Variants in TNRC6A observed in about 807,000 individuals in gnomAD.
TNRC6A encodes trinucleotide repeat containing adaptor 6A.
In TNRC6A, 44 loss-of-function variants were observed where a neutral mutation model predicts 221.2. That is an observed-to-expected ratio of 0.20 (90% confidence interval 0.16 to 0.26). The LOEUF is 0.26. TNRC6A is among the 10% of genes least tolerant of loss of function. TNRC6A has a pLI of 1.00. For synonymous variants in TNRC6A, 847 were observed against 838.5 expected (o/e 1.01, Z -0.18); for missense variants, 2,199 against 2,404.4 (o/e 0.91, Z 1.79).
intron 2 of TNRC6A, among the ~76,000 whole-genome samples, chr16:24,669,270 G>T (rs2055240023): frequency 6.6e-6 from 1 of 152,052 alleles, no homozygotes; most frequent in Admixed American, 6.6e-5. Flanking sequence ...AGACTGAGTT[G>T]GGTGGACTGC....
chr16:24,627,944 G>T (rs1373128229), intron 1 of TNRC6A, among the ~76,000 whole-genome samples: 2 of 150,852 alleles, frequency 1.3e-5, no homozygotes, highest in African/African-American at 2.4e-5. Context: ...TGATCTGCCC[G>T]CCTCGGCCTC....
chr16:24,693,806 G>A (rs373954149), intron 2 of TNRC6A, among the ~76,000 whole-genome samples: 209 of 151,630 alleles, frequency 1.4e-3, no homozygotes, highest in African/African-American at 4.9e-3. Flanking sequence ...GGGCTGAGAT[G>A]GGAAGATCAG....
chr16:24,790,147 C>G lies in TNRC6A; in HGVS notation c.1505C>G (p.Thr502Ser), dbSNP rs72770408. The G allele has an allele frequency of 0.012, 18,656 of 1,614,188 alleles. 190 individuals are homozygous for G. Among genetic ancestry groups the G allele is most frequent in the South Asian group, 0.033 (2,968 of 91,076 alleles). ...CAGGCTCCATCAGGTATGAATGGCA[C>G]TTCCCTTTCTCACCTTAGCAATGGA... ...QMQAPSGMNG[T>S]SLSHLSNGES... Residue 502 changes from threonine (T) to serine (S), a missense_variant, in exon 6 of 25, where the codon ACT becomes AGT. By Grantham distance (58) the Thr-to-Ser change is moderately conservative. Coordinates refer to ENST00000395799, the MANE Select transcript of TNRC6A (RefSeq NM_014494.4).
chr16:24,664,897 G>C (rs2055123974), intron 2 of TNRC6A: 1 of 455,640 alleles, frequency 2.2e-6, no homozygotes, highest in Non-Finnish European at 4.4e-6. Flanking sequence ...TGAGGCCAGG[G>C]TGGTGGAGAA....
intron 11 of TNRC6A, chr16:24,798,194 G>A (rs1005339653): frequency 5.6e-6 from 2 of 355,372 alleles, no homozygotes; most frequent in Admixed American, 4.6e-5. Flanking sequence ...CCTGCCAAGA[G>A]GGAGTTACTC....
chr16:24,773,966 A>C (rs2057667419), intron 4 of TNRC6A, among the ~76,000 whole-genome samples: 1 of 152,056 alleles, frequency 6.6e-6, no homozygotes, highest in Non-Finnish European at 1.5e-5. Context: ...TTAACAAGTG[A>C]ACTTAACCCA....
intron 2 of TNRC6A, among the ~76,000 whole-genome samples, chr16:24,670,127 T>G (rs1487880842): frequency 2.0e-5 from 3 of 151,562 alleles, no homozygotes; most frequent in African/African-American, 7.3e-5. Flanking sequence ...TTTTTGTATT[T>G]TAAGAAGGGA....
chr16:24,736,763 T>C (rs1567405625), intron 2 of TNRC6A, among the ~76,000 whole-genome samples: 1 of 152,244 alleles, frequency 6.6e-6, no homozygotes, highest in Non-Finnish European at 1.5e-5. Context: ...TACACTGACT[T>C]GGTGTTTCTT....
At chr16:24,758,188 A>G in intron 3 of TNRC6A, 151 bp from the exon 4 acceptor site, 1 of 711,456 alleles carries the variant, frequency 1.4e-6, no homozygotes, top group Non-Finnish European at 2.3e-6. Context: ...TTCCTTGCAT[A>G]TCTTTTCCTG....
intron 2 of TNRC6A, among the ~76,000 whole-genome samples, chr16:24,694,058 G>A (rs888681219): frequency 1.3e-5 from 2 of 152,176 alleles, no homozygotes; most frequent in Admixed American, 1.3e-4. Context: ...GTATCTCAAA[G>A]GGAGGAAGGG....
intron 18 of TNRC6A, among the ~76,000 whole-genome samples, chr16:24,811,257 T>A (rs1442433160): frequency 6.6e-6 from 1 of 152,114 alleles, no homozygotes; most frequent in Non-Finnish European, 1.5e-5. Flanking sequence ...TCTGATTTGT[T>A]AAGGGGAGTG....
intron 2 of TNRC6A, among the ~76,000 whole-genome samples, chr16:24,670,562 C>T (rs2055275096): frequency 6.6e-6 from 1 of 152,130 alleles, no homozygotes; most frequent in Non-Finnish European, 1.5e-5. Context: ...TCTCTTCAAT[C>T]TGTATTCTTT....
intron 1 of TNRC6A, among the ~76,000 whole-genome samples, chr16:24,618,357 C>A (rs1900485255): frequency 6.6e-6 from 1 of 152,168 alleles, no homozygotes; most frequent in South Asian, 2.1e-4. Flanking sequence ...CTAAACAGTA[C>A]CCTACTCCTG....
Position 24,823,535 on chromosome 16 carries a change from C to T in TNRC6A, c.5617C>T (p.Gln1873Ter). ...GTCTCTGACCCCTTCTCCCGGCTGG[C>T]AGTCTCTCGGGTCCAGCCAGAGCCG... ...SQSLTPSPGW[Q>*]SLGSSQSRLG... Residue 1873 changes from glutamine to a stop codon, truncating the protein, a stop_gained, in exon 25 of 25, where the codon CAG (glutamine) becomes TAG (stop). Transcript: ENST00000395799. LOFTEE classifies it high-confidence loss of function. The surrounding 1 kb of genome is among the most constrained non-coding windows in gnomAD (Gnocchi z 4.3). 6.2e-7 allele frequency: 1 copy of T among 1,614,196 alleles called. No individual in the cohort carries two copies. The highest frequency in any genetic ancestry group is 8.5e-7 in the Non-Finnish European group (1 of 1,180,040).
intron 2 of TNRC6A, among the ~76,000 whole-genome samples, chr16:24,746,418 A>C (rs2057011911): frequency 6.6e-6 from 1 of 152,136 alleles, no homozygotes; most frequent in African/African-American, 2.4e-5. Context: ...TCTCTAAATA[A>C]ATAAATAAGA....
intron 2 of TNRC6A, among the ~76,000 whole-genome samples, chr16:24,654,953 A>G (rs1390513530): frequency 3.3e-5 from 5 of 152,212 alleles, no homozygotes; most frequent in Admixed American, 2.0e-4. Context: ...TCTATGAGGT[A>G]AAGAAAAGGC....
intron 2 of TNRC6A, among the ~76,000 whole-genome samples, chr16:24,720,269 G>C (rs1398376691): frequency 6.6e-6 from 1 of 152,168 alleles, no homozygotes; most frequent in African/African-American, 2.4e-5. Context: ...AGGCATGGCA[G>C]CTCACACCTG....
At chr16:24,779,843 T>G (rs1431731662) in intron 5 of TNRC6A, among the ~76,000 whole-genome samples, 1 of 152,172 alleles carries the variant, frequency 6.6e-6, no homozygotes, top group Non-Finnish European at 1.5e-5. Flanking sequence ...CTATTCGTAT[T>G]TGGCTTTTTT....
intron 1 of TNRC6A, among the ~76,000 whole-genome samples, chr16:24,626,208 T>G (rs1900981087): frequency 6.6e-6 from 1 of 152,084 alleles, no homozygotes; most frequent in Non-Finnish European, 1.5e-5. Context: ...TTTTAAACCC[T>G]CTTCAGATTG....
Sources: allele counts gnomAD v4.1 joint callset (sites outside exome capture counted in the v4.1 genomes callset), GRCh38; gene constraint gnomAD v4.1.1; non-coding constraint Gnocchi (gnomAD v3.1); transcripts MANE v1.5; gene names NCBI Gene and HGNC (gene_info 2026-07-23, HGNC 2026-07-21).